ZNF385D: variants seen among roughly 807,000 people sequenced by gnomAD.
ZNF385D encodes the protein zinc finger protein 659.
In ZNF385D, 15 loss-of-function variants were observed where a neutral mutation model predicts 35.8. That is an observed-to-expected ratio of 0.42 (90% CI 0.28 to 0.64). The LOEUF is 0.64. ZNF385D is among the 30% of genes least tolerant of loss of function. ZNF385D has a pLI of 0.23. For synonymous variants in ZNF385D, 212 were observed against 186.8 expected, an observed-to-expected ratio of 1.13 and a Z score of -1.10; for missense variants, 474 against 494.6, an observed-to-expected ratio of 0.96 and a Z score of 0.39.
intron 3 of ZNF385D, among the ~76,000 whole-genome samples, chr3:21,781,367 T>C (rs2071482555): frequency 1.3e-5 from 2 of 151,956 alleles, no homozygotes; most frequent in Non-Finnish European, 2.9e-5. Context: ...ATAAAATATA[T>C]AAAATATGCC....
intron 4 of ZNF385D, among the ~76,000 whole-genome samples, chr3:21,458,289 A>C (rs1168669729): frequency 1.3e-5 from 2 of 150,306 alleles, no homozygotes; most frequent in Non-Finnish European, 2.9e-5. Flanking sequence ...CCTGAGCAAC[A>C]TAGTGAGACC....
intron 3 of ZNF385D, among the ~76,000 whole-genome samples, chr3:21,947,384 C>T (rs1299845596): frequency 6.6e-6 from 1 of 150,818 alleles, no homozygotes; most frequent in African/African-American, 2.4e-5. Context: ...CAGAGTCTCG[C>T]TCTGTCGCCC....
At chr3:22,161,197 A>G (rs1006090654) in intron 3 of ZNF385D, among the ~76,000 whole-genome samples, 1 of 152,082 alleles carries the variant, frequency 6.6e-6, no homozygotes, top group African/African-American at 2.4e-5. Context: ...TCCTATGGTA[A>G]TTAAAAAATA....
intron 2 of ZNF385D, among the ~76,000 whole-genome samples, chr3:22,186,554 C>T (rs546482703): frequency 6.6e-6 from 1 of 152,198 alleles, no homozygotes; most frequent in South Asian, 2.1e-4. Flanking sequence ...CTTTACCTGT[C>T]CTGATTTCAT....
At chr3:21,802,689 G>A (rs2072461347) in intron 3 of ZNF385D, among the ~76,000 whole-genome samples, 1 of 152,132 alleles carries the variant, frequency 6.6e-6, no homozygotes, top group African/African-American at 2.4e-5. Flanking sequence ...CACTTGTCCT[G>A]GTAGTACAAT....
chr3:21,550,220 C>T, intron 3 of ZNF385D, among the ~76,000 whole-genome samples: 1 of 152,122 alleles, frequency 6.6e-6, no homozygotes, highest in East Asian at 1.9e-4. Flanking sequence ...GTTTTTCCCA[C>T]AGCTAAACAG....
At chr3:21,576,911 C>T (rs549505259) in intron 2 of ZNF385D, among the ~76,000 whole-genome samples, 2 of 152,134 alleles carry the variant, frequency 1.3e-5, no homozygotes, top group South Asian at 2.1e-4. Context: ...TATGGGGTAA[C>T]ATTGTGATAT....
chr3:22,212,269 T>C (rs557341523), intron 2 of ZNF385D, among the ~76,000 whole-genome samples: 2 of 152,172 alleles, frequency 1.3e-5, no homozygotes, highest in South Asian at 4.1e-4. Context: ...CAGTTTCTGC[T>C]GTACCCATCT....
chr3:21,687,588 G>T (rs2067146802), intron 1 of ZNF385D, among the ~76,000 whole-genome samples: 1 of 151,944 alleles, frequency 6.6e-6, no homozygotes, highest in South Asian at 2.1e-4. Flanking sequence ...ATTGTCCAGG[G>T]TTCATAGTTT....
chr3:21,775,215 T>A (rs897737251), intron 3 of ZNF385D, among the ~76,000 whole-genome samples: 1 of 151,818 alleles, frequency 6.6e-6, no homozygotes, highest in African/African-American at 2.4e-5. Flanking sequence ...TATCTTTTGC[T>A]TCTGTGTCAC....
At chr3:22,014,165 A>C (rs1696740448) in intron 3 of ZNF385D, among the ~76,000 whole-genome samples, 1 of 152,210 alleles carries the variant, frequency 6.6e-6, no homozygotes, top group Non-Finnish European at 1.5e-5. Flanking sequence ...CAAAAAACCA[A>C]AAAGTCCCAT....
At chr3:21,671,428 G>A (rs1022347151) in intron 1 of ZNF385D, among the ~76,000 whole-genome samples, 3 of 152,090 alleles carry the variant, frequency 2.0e-5, no homozygotes, top group Non-Finnish European at 4.4e-5. Flanking sequence ...AGAGAATATA[G>A]ATAATTTAAT....
At chr3:22,311,349 T>C (rs985110653) in intron 2 of ZNF385D, among the ~76,000 whole-genome samples, 2 of 152,076 alleles carry the variant, frequency 1.3e-5, no homozygotes, top group African/African-American at 2.4e-5. Context: ...TGACATGGAA[T>C]GCTTACAAAA....
chr3:22,320,680 T>C (rs1694368773), intron 2 of ZNF385D, among the ~76,000 whole-genome samples: 1 of 151,014 alleles, frequency 6.6e-6, no homozygotes, highest in Non-Finnish European at 1.5e-5. Context: ...AGATTAAAAC[T>C]ACAACTTAAA....
Position 22,014,659 on chromosome 3 carries a change from T to C in ZNF385D, c.325+154158A>G, listed in dbSNP as rs539940977. Among the ~76,000 whole-genome samples the C allele has an allele frequency of 2.0e-5, 3 of 152,060 alleles. No homozygotes were observed. The South Asian group carries it at 6.2e-4, about 32-fold the overall frequency. On this transcript the variant is annotated intron_variant, in intron 3 of 5. Transcript: ENST00000494108. ...AATTTTAAAACAAAATATGATAATA[T>C]GTGCAAGCAAATTGAATAATGAATT...
intron 3 of ZNF385D, among the ~76,000 whole-genome samples, chr3:22,082,460 G>A (rs917194818): frequency 6.6e-6 from 1 of 152,176 alleles, no homozygotes; most frequent in African/African-American, 2.4e-5. Flanking sequence ...TAGTGCAGCA[G>A]TCCGAGATCA....
intron 2 of ZNF385D, among the ~76,000 whole-genome samples, chr3:22,192,392 T>C (rs1696119547): frequency 1.3e-5 from 2 of 152,172 alleles, no homozygotes; most frequent in African/African-American, 4.8e-5. Context: ...TTGGTATTCA[T>C]GCTGTCATAT....
intron 3 of ZNF385D, among the ~76,000 whole-genome samples, chr3:22,161,452 A>T (rs1705942876): frequency 6.6e-6 from 1 of 152,108 alleles, no homozygotes; most frequent in Non-Finnish European, 1.5e-5. Flanking sequence ...ATAAATATAA[A>T]ATCAAAGGCC....
At chr3:22,175,148 T>C (rs1694734911) in intron 2 of ZNF385D, among the ~76,000 whole-genome samples, 1 of 151,866 alleles carries the variant, frequency 6.6e-6, no homozygotes, top group African/African-American at 2.4e-5. Flanking sequence ...TTTATAATTC[T>C]TATACAATTT....
Sources: gnomAD v4.1 joint callset for allele counts (sites outside exome capture counted in the v4.1 genomes callset) on GRCh38, gnomAD v4.1.1 for gene constraint, MANE v1.5 for transcripts, NCBI Gene and HGNC (gene_info 2026-07-23, HGNC 2026-07-21) for gene names.